Variants in KIRREL3 observed in about 807,000 individuals in gnomAD.
KIRREL3 encodes the protein kin of IRRE-like protein 3.
In KIRREL3, 36 loss-of-function variants were observed where a neutral mutation model predicts 89.7. That is an observed-to-expected ratio of 0.40 (90% CI 0.31 to 0.53). KIRREL3 has a LOEUF of 0.53. Among genes scored for constraint, KIRREL3 ranks in the 20% least tolerant of loss-of-function variants. The pLI, the probability that KIRREL3 is intolerant of heterozygous loss-of-function variation, is 0.49. For missense variants in KIRREL3, 864 were observed against 1,056.6 expected, an observed-to-expected ratio of 0.82 and a Z score of 2.53; for synonymous variants, 445 against 441.4, an observed-to-expected ratio of 1.01 and a Z score of -0.10.
At position 126,427,609 on chromosome 11, in the gene KIRREL3, C is replaced by G. The variant is rs1166148613; in HGVS notation, c.1806+1570G>C. 3.9e-5 allele frequency among the ~76,000 whole-genome samples: 6 copies of G among 152,198 alleles called. No individual in the cohort carries two copies. Among genetic ancestry groups the G allele is most frequent in the Non-Finnish European group, 7.3e-5 (5 of 68,042 alleles). On this transcript the variant is annotated intron_variant, in intron 15 of 16. Transcript: ENST00000525144. This position sits in a 1 kb window ranked among gnomAD's most constrained non-coding sequence, Gnocchi z 5.3. ...TGGCATGTCTGGAAGGCCAGATGTACTTGGCCGGAAAATGGAGCTGGAGAG... is the reference window on the plus strand; with the variant it reads ...TGGCATGTCTGGAAGGCCAGATGTAGTTGGCCGGAAAATGGAGCTGGAGAG...
At chr11:126,866,431 G>A (rs1030509514) in intron 1 of KIRREL3, among the ~76,000 whole-genome samples, 1 of 152,178 alleles carries the variant, frequency 6.6e-6, no homozygotes, top group Non-Finnish European at 1.5e-5. Context: ...ATGCTACTAA[G>A]GACGTAACAC....
rs1264021117 is a variant in KIRREL3 at position 126,761,230 on chromosome 11, C to G, written c.56-198318G>C. Among the ~76,000 whole-genome samples, 2 of 152,182 alleles carry G rather than the reference C, an allele frequency of 1.3e-5. No individual in the cohort carries two copies. Among genetic ancestry groups the G allele is most frequent in the Admixed American group, 6.5e-5 (1 of 15,272 alleles). ...CAGGGACTCGGGACCCTGCAAGACCCAGTGGGAAAGGAAAGGTGGTCAGGT... is the reference window on the plus strand; with the variant it reads ...CAGGGACTCGGGACCCTGCAAGACCGAGTGGGAAAGGAAAGGTGGTCAGGT... On this transcript the variant is annotated intron_variant, in intron 1 of 16. Transcript: ENST00000525144. This position sits in a 1 kb window ranked among gnomAD's most constrained non-coding sequence, Gnocchi z 4.4.
In KIRREL3 at chr11:126,432,042, T is replaced by C. The variant is rs975357996; in HGVS notation, c.1589-516A>G. Among the ~76,000 whole-genome samples the C allele has an allele frequency of 6.6e-6, 1 of 152,110 alleles. No homozygotes were observed. Among genetic ancestry groups the C allele is most frequent in the African/African-American group, 2.4e-5 (1 of 41,404 alleles). On this transcript the variant is annotated intron_variant, in intron 13 of 16. Transcript: ENST00000525144. The surrounding 1 kb of genome is among the most constrained non-coding windows in gnomAD (Gnocchi z 6.2). ...ACATCCGGCTCTTAGTGTTTGCAGG[T>C]CTAAGTAGCTTCCCCGCAGGTCTGC...
chr11:126,722,729 C>G (rs551686058), intron 1 of KIRREL3, among the ~76,000 whole-genome samples: 1 of 152,328 alleles, frequency 6.6e-6, no homozygotes, highest in East Asian at 1.9e-4. Context: ...TATGTCTTCC[C>G]CACTAGAATG....
rs756315322 is a variant in KIRREL3, at chr11:126,601,012, T to C, written c.56-38100A>G. Among the ~76,000 whole-genome samples the C allele has an allele frequency of 6.6e-6, 1 of 152,158 alleles. No individual in the cohort carries two copies. Among genetic ancestry groups the C allele is most frequent in the Non-Finnish European group, 1.5e-5 (1 of 68,040 alleles). On this transcript the variant is annotated intron_variant, in intron 1 of 16. Coordinates refer to ENST00000525144, the MANE Select transcript of KIRREL3 (RefSeq NM_032531.4). The surrounding 1 kb of genome is among the most constrained non-coding windows in gnomAD (Gnocchi z 5.8). ...GGAAGGTCAGCATCCAGTGACCTTTTCAGGAAATTACCCAGGATTTCACAA... is the reference window on the plus strand; with the variant it reads ...GGAAGGTCAGCATCCAGTGACCTTTCCAGGAAATTACCCAGGATTTCACAA...
intron 4 of KIRREL3, among the ~76,000 whole-genome samples, chr11:126,518,491 T>C (rs1958486292): frequency 6.6e-6 from 1 of 152,254 alleles, no homozygotes; most frequent in African/African-American, 2.4e-5. Context: ...TTCCGCAGGT[T>C]CTAATCAGGC....
At chr11:126,706,369 G>A (rs1947529261) in intron 1 of KIRREL3, among the ~76,000 whole-genome samples, 2 of 152,296 alleles carry the variant, frequency 1.3e-5, no homozygotes, top group East Asian at 1.9e-4. Context: ...ATAATGGAAA[G>A]TGTACTGGGG....
intron 1 of KIRREL3, among the ~76,000 whole-genome samples, chr11:126,914,241 C>T (rs191216704): frequency 6.6e-6 from 1 of 152,180 alleles, no homozygotes; most frequent in Non-Finnish European, 1.5e-5. Context: ...ACCCACAGCC[C>T]ACTTGTGACA....
rs1195825177 is a variant in KIRREL3, at chr11:126,908,454, G to A, written c.55+92001C>T. The stretch of plus-strand genomic sequence containing the variant: ...GTCACTTTAACCTCTCTGTGCTCTG[G>A]TTTTCTCATATGCAATGTGGGGACA... On this transcript the variant is annotated intron_variant, in intron 1 of 16. Coordinates refer to ENST00000525144, the MANE Select transcript of KIRREL3 (RefSeq NM_032531.4). This position sits in a 1 kb window ranked among gnomAD's most constrained non-coding sequence, Gnocchi z 4.2. Among the ~76,000 whole-genome samples the A allele has an allele frequency of 6.6e-6, 1 of 152,158 alleles. No individual in the cohort carries two copies. The highest frequency in any genetic ancestry group is 6.5e-5 in the Admixed American group (1 of 15,280).
At chr11:126,458,525 C>G (rs534075003) in intron 6 of KIRREL3, among the ~76,000 whole-genome samples, 1 of 152,212 alleles carries the variant, frequency 6.6e-6, no homozygotes, top group Non-Finnish European at 1.5e-5. Flanking sequence ...GAGGACCCTG[C>G]CTCCCTGCCT....
intron 1 of KIRREL3, among the ~76,000 whole-genome samples, chr11:126,821,294 A>G (rs1187382930): frequency 4.2e-5 from 6 of 144,494 alleles, no homozygotes; most frequent in African/African-American, 1.6e-4. Context: ...AAGCTGATAG[A>G]ATATTAGATT....
intron 1 of KIRREL3, among the ~76,000 whole-genome samples, chr11:126,984,659 T>G (rs1435164971): frequency 1.3e-5 from 2 of 152,228 alleles, no homozygotes; most frequent in Non-Finnish European, 2.9e-5. Flanking sequence ...ACAGAGACCC[T>G]TGTGCCATAG....
At chr11:126,869,676 G>C (rs1441357521) in intron 1 of KIRREL3, among the ~76,000 whole-genome samples, 1 of 152,106 alleles carries the variant, frequency 6.6e-6, no homozygotes, top group African/African-American at 2.4e-5. Context: ...TCTCATCATA[G>C]TGTTCAACTT....
At chr11:126,832,151 G>C (rs1943629134) in intron 1 of KIRREL3, among the ~76,000 whole-genome samples, 2 of 152,112 alleles carry the variant, frequency 1.3e-5, no homozygotes, top group South Asian at 4.2e-4. Flanking sequence ...AGTCCAAATG[G>C]GACAATAGGG....
In KIRREL3 at chr11:126,723,341, C is replaced by T. The variant is rs1007582187; in HGVS notation, c.56-160429G>A. On this transcript the variant is annotated intron_variant, in intron 1 of 16. Transcript: ENST00000525144. This position sits in a 1 kb window ranked among gnomAD's most constrained non-coding sequence, Gnocchi z 4.0. ...AACAGTGCTGAGCCAGAGAACACAG[C>T]ATTAGTGGGAGCTGTGGAGAGGAGG... Among the ~76,000 whole-genome samples, 8 of 152,172 alleles carry T rather than the reference C, an allele frequency of 5.3e-5. 1 individual carries two copies. In the East Asian group the frequency reaches 1.2e-3, roughly 22 times the overall value.
rs1318652827 is a variant in KIRREL3 at position 126,640,813 on chromosome 11, A to C, written c.56-77901T>G. On this transcript the variant is annotated intron_variant, in intron 1 of 16. Transcript: ENST00000525144. The surrounding 1 kb of genome is among the most constrained non-coding windows in gnomAD (Gnocchi z 4.9). The stretch of plus-strand genomic sequence containing the variant: ...TCTCCATTCTAGTCATTTCCCTCCT[A>C]CGTCACTGACTTATTGCTGGCATCT... Among the ~76,000 whole-genome samples, 2 of 152,020 alleles carry C rather than the reference A, an allele frequency of 1.3e-5. No homozygotes were observed. The highest frequency in any genetic ancestry group is 2.9e-5 in the Non-Finnish European group (2 of 67,994).
chr11:126,921,446 TCTTC>T (rs1947282086), intron 1 of KIRREL3, among the ~76,000 whole-genome samples: 2 of 146,036 alleles, frequency 1.4e-5, no homozygotes, highest in African/African-American at 2.5e-5. Flanking sequence ...TATCTATCTA[TCTTC>T]CTATCTATCT....
chr11:126,918,936 T>C lies in KIRREL3; in HGVS notation c.55+81519A>G, dbSNP rs1043313735. Among the ~76,000 whole-genome samples the C allele has an allele frequency of 6.6e-6, 1 of 151,444 alleles. No homozygotes were observed. The highest frequency in any genetic ancestry group is 1.5e-5 in the Non-Finnish European group (1 of 67,892). Reference sequence around the variant, plus strand: ...AAGGAAATATGATTTTATAACGTCATATGTTATAACATCATATGTTATAAG... The same window carrying C: ...AAGGAAATATGATTTTATAACGTCACATGTTATAACATCATATGTTATAAG... On this transcript the variant is annotated intron_variant, in intron 1 of 16. Coordinates refer to ENST00000525144, the MANE Select transcript of KIRREL3 (RefSeq NM_032531.4). The surrounding 1 kb of genome is among the most constrained non-coding windows in gnomAD (Gnocchi z 6.5).
At chr11:127,003,138 G>C (rs1950344726), upstream of KIRREL3, 1 of 152,076 alleles carries the variant, frequency 6.6e-6, no homozygotes, top group African/African-American at 2.4e-5. Context: ...AAAAAGCTTG[G>C]ATTAAGTGAT....
Sources: gnomAD v4.1 joint callset for allele counts (sites outside exome capture counted in the v4.1 genomes callset) on GRCh38, gnomAD v4.1.1 for gene constraint, Gnocchi (gnomAD v3.1) non-coding constraint, MANE v1.5 for transcripts, NCBI Gene and HGNC (gene_info 2026-07-23, HGNC 2026-07-21) for gene names.